Variants in ARHGAP42 observed in about 807,000 individuals in gnomAD.
The protein encoded by ARHGAP42 is Rho GTPase activating protein 42.
Under a neutral mutation model 125.0 loss-of-function variants are expected in ARHGAP42, and 63 were observed. That is an observed-to-expected ratio of 0.50 (90% CI 0.41 to 0.62). The LOEUF is 0.62. Ranked by LOEUF, ARHGAP42 falls within the 20% of genes least tolerant of loss-of-function variation. The pLI, the probability that ARHGAP42 is intolerant of heterozygous loss-of-function variation, is 0.00. For missense variants in ARHGAP42, 766 were observed against 1,024.2 expected, an observed-to-expected ratio of 0.75 and a Z score of 3.44; for synonymous variants, 339 against 351.0, an observed-to-expected ratio of 0.97 and a Z score of 0.38.
intron 3 of ARHGAP42, among the ~76,000 whole-genome samples, chr11:100,838,311 C>T (rs1336890353): frequency 6.6e-6 from 1 of 152,066 alleles, no homozygotes; most frequent in Non-Finnish European, 1.5e-5. Context: ...CTTACCTTTT[C>T]TCTCTTTGAA....
rs985662221 is a variant in ARHGAP42 at position 100,989,241 on chromosome 11, G to GT, written c.*450dup. ...ATGTAATTTAAATTGTTCATTTATT[G>GT]TTTTTTTTTTCTTAGAAATATACTG... On this transcript the variant is annotated 3_prime_UTR_variant, in exon 24 of 24. Coordinates refer to ENST00000298815, the MANE Select transcript of ARHGAP42 (RefSeq NM_152432.4). 0.018 allele frequency: 5,827 copies of GT among 329,862 alleles called. No homozygotes were observed. The highest frequency in any genetic ancestry group is 0.023 in the East Asian group (490 of 21,416). 20.4% of individuals were successfully genotyped at this position (329,862 alleles called of 1,614,324 possible). A position where few individuals can be genotyped will look rare whatever the true frequency, so the allele number is the denominator to read the frequency against.
chr11:100,931,055 A>T (rs930850624), intron 6 of ARHGAP42, among the ~76,000 whole-genome samples: 1 of 152,188 alleles, frequency 6.6e-6, no homozygotes, highest in Non-Finnish European at 1.5e-5. Flanking sequence ...TGTTTCCTAT[A>T]CACCTCATAC....
chr11:100,897,356 G>GT (rs1220166348), intron 4 of ARHGAP42, among the ~76,000 whole-genome samples: 2 of 152,166 alleles, frequency 1.3e-5, no homozygotes, highest in African/African-American at 2.4e-5. Flanking sequence ...CTTTAAAGTA[G>GT]TTTTTTCCAA....
chr11:100,852,507 G>A (rs927251945), intron 3 of ARHGAP42, among the ~76,000 whole-genome samples: 9 of 152,110 alleles, frequency 5.9e-5, no homozygotes, highest in Non-Finnish European at 1.2e-4. Context: ...AGAAGAAATA[G>A]CATTAAGCGG....
chr11:100,831,696 A>G (rs1864666973), intron 3 of ARHGAP42, among the ~76,000 whole-genome samples: 1 of 152,144 alleles, frequency 6.6e-6, no homozygotes, highest in African/African-American at 2.4e-5. Context: ...TGGTCTGTAG[A>G]TAGGTTTCTA....
rs564879146 is a variant in ARHGAP42, at chr11:100,824,802, A to T, written c.312+29636A>T. On this transcript the variant is annotated intron_variant, in intron 3 of 23. Transcript: ENST00000298815. The stretch of plus-strand genomic sequence containing the variant: ...AAAGCAGTTTGACATCCAAGTTTTG[A>T]ATAACCTTACCTCTATTACCACACA... Among the ~76,000 whole-genome samples the T allele has an allele frequency of 3.9e-5, 6 of 152,342 alleles. No homozygotes were observed. In the South Asian group the frequency reaches 1.2e-3, roughly 32 times the overall value.
chr11:100,795,632 G>A (rs1863692281), intron 3 of ARHGAP42, among the ~76,000 whole-genome samples: 1 of 152,166 alleles, frequency 6.6e-6, no homozygotes, highest in African/African-American at 2.4e-5. Context: ...GAAGGACAGG[G>A]AAAACATTCT....
At chr11:100,910,837 T>C (rs1306537737) in intron 4 of ARHGAP42, among the ~76,000 whole-genome samples, 2 of 152,046 alleles carry the variant, frequency 1.3e-5, no homozygotes, top group East Asian at 1.9e-4. Context: ...ACCTACATCA[T>C]TGGAACCCTT....
At chr11:100,714,338 G>C (rs1405684660) in intron 1 of ARHGAP42, among the ~76,000 whole-genome samples, 1 of 151,884 alleles carries the variant, frequency 6.6e-6, no homozygotes, top group African/African-American at 2.4e-5. Context: ...CATTTCAAAG[G>C]GCTAACAGGG....
chr11:100,970,889 A>T (rs1293833673), intron 17 of ARHGAP42, among the ~76,000 whole-genome samples: 1 of 151,928 alleles, frequency 6.6e-6, no homozygotes, highest in African/African-American at 2.4e-5. Context: ...CTGAATTCCC[A>T]GTGAGTGCCT....
intron 4 of ARHGAP42, among the ~76,000 whole-genome samples, chr11:100,902,466 G>A (rs553826724): frequency 6.6e-6 from 1 of 152,318 alleles, no homozygotes; most frequent in South Asian, 2.1e-4. Flanking sequence ...AGTCTGCAAA[G>A]CCCTTGAAAA....
chr11:100,814,286 G>A (rs1183299547), intron 3 of ARHGAP42, among the ~76,000 whole-genome samples: 1 of 150,732 alleles, frequency 6.6e-6, no homozygotes, highest in Non-Finnish European at 1.5e-5. Context: ...GAATCTGGGA[G>A]GCAGAGGTTG....
chr11:100,688,381 ACT>A (rs928184130), intron 1 of ARHGAP42, among the ~76,000 whole-genome samples: 1 of 151,942 alleles, frequency 6.6e-6, no homozygotes, highest in Non-Finnish European at 1.5e-5. Context: ...GTGCATTTTA[ACT>A]CTGCAAGTTT....
At chr11:100,971,852 A>G (rs1858255785) in intron 17 of ARHGAP42, among the ~76,000 whole-genome samples, 1 of 152,208 alleles carries the variant, frequency 6.6e-6, no homozygotes, top group South Asian at 2.1e-4. Flanking sequence ...ACCGAAACCT[A>G]GAGATATTAA....
At chr11:100,952,650 A>G (rs552470276) in intron 12 of ARHGAP42, among the ~76,000 whole-genome samples, 1 of 152,146 alleles carries the variant, frequency 6.6e-6, no homozygotes, top group South Asian at 2.1e-4. Flanking sequence ...GCTCAAAGGC[A>G]CAGGATTGGA....
chr11:100,887,478 T>C (rs1290862715), intron 4 of ARHGAP42, among the ~76,000 whole-genome samples: 2 of 152,254 alleles, frequency 1.3e-5, no homozygotes, highest in East Asian at 1.9e-4. Flanking sequence ...CATCTTTATT[T>C]CTACTTTTTG....
At chr11:100,889,078 C>T (rs1473285733) in intron 4 of ARHGAP42, among the ~76,000 whole-genome samples, 1 of 152,172 alleles carries the variant, frequency 6.6e-6, no homozygotes, top group Non-Finnish European at 1.5e-5. Flanking sequence ...GAACATAAGT[C>T]ATGTTTTAAG....
At chr11:100,967,839 G>A (rs559490365) in intron 17 of ARHGAP42, among the ~76,000 whole-genome samples, 16 of 152,066 alleles carry the variant, frequency 1.1e-4, no homozygotes, top group Non-Finnish European at 1.5e-4. Flanking sequence ...TCAGCCTCCT[G>A]AGTAGCTGGT....
In ARHGAP42 at chr11:100,834,189, TAGAG is replaced by T. The variant is rs1253514280; in HGVS notation, c.313-25362_313-25359del. 2.0e-5 allele frequency among the ~76,000 whole-genome samples: 3 copies of T among 152,260 alleles called. No individual in the cohort carries two copies. In the East Asian group the frequency reaches 5.8e-4, roughly 29 times the overall value. On this transcript the variant is annotated intron_variant, in intron 3 of 23. Transcript: ENST00000298815. ...TTCTGTGGCTGACAAGATTTACACT[TAGAG>T]AGGTTAAATTACAAGCTCAGTCAGA...
Sources: gnomAD v4.1 joint callset for allele counts (sites outside exome capture counted in the v4.1 genomes callset) on GRCh38, gnomAD v4.1.1 for gene constraint, MANE v1.5 for transcripts, NCBI Gene and HGNC (gene_info 2026-07-23, HGNC 2026-07-21) for gene names.